The following PITPNC1 variants were observed in gnomAD, a reference collection of about 807,000 sequenced individuals.
The protein encoded by PITPNC1 is cytoplasmic phosphatidylinositol transfer protein 1.
PITPNC1 carries 18 observed loss-of-function variants against 44.7 expected under a neutral mutation model. That is an observed-to-expected ratio of 0.40 (90% CI 0.28 to 0.60). PITPNC1 has a LOEUF of 0.60. PITPNC1 is among the 20% of genes least tolerant of loss of function. The pLI is 0.39. For synonymous variants in PITPNC1, 141 were observed against 149.6 expected (o/e 0.94, Z 0.42); for missense variants, 290 against 418.4 (o/e 0.69, Z 2.68).
At chr17:67,431,062 C>CTTTTTTTTTTT (rs6146118) in intron 1 of PITPNC1, among the ~76,000 whole-genome samples, 7 of 133,054 alleles carry the variant, frequency 5.3e-5, no homozygotes, top group Non-Finnish European at 9.4e-5. Flanking sequence ...GTTACTGTTT[C>CTTTTTTTTTTT]TTTTTTTTTT....
chr17:67,574,323 T>C (rs912975296), intron 4 of PITPNC1, among the ~76,000 whole-genome samples: 1 of 152,240 alleles, frequency 6.6e-6, no homozygotes, highest in Non-Finnish European at 1.5e-5. Context: ...GAGGAGGATA[T>C]ATCTTTCTCG....
At chr17:67,668,359 C>T (rs924117794) in intron 6 of PITPNC1, among the ~76,000 whole-genome samples, 3 of 152,160 alleles carry the variant, frequency 2.0e-5, no homozygotes, top group Non-Finnish European at 4.4e-5. Context: ...GCACCTAGAC[C>T]ACAATTTATC....
At chr17:67,677,934 C>T (rs2042633208) in intron 8 of PITPNC1, among the ~76,000 whole-genome samples, 1 of 151,838 alleles carries the variant, frequency 6.6e-6, no homozygotes, top group Non-Finnish European at 1.5e-5. Flanking sequence ...AAAAAACTGC[C>T]AGGCACGGTA....
At chr17:67,469,200 C>G (rs1256045364) in intron 1 of PITPNC1, among the ~76,000 whole-genome samples, 5 of 152,156 alleles carry the variant, frequency 3.3e-5, no homozygotes, top group Admixed American at 6.5e-5. Flanking sequence ...GTAGTAGCCC[C>G]AGGATGGCTC....
chr17:67,390,210 T>C (rs1276948641), intron 1 of PITPNC1, among the ~76,000 whole-genome samples: 2 of 152,030 alleles, frequency 1.3e-5, no homozygotes, highest in Non-Finnish European at 2.9e-5. Flanking sequence ...GGGAAAAAAA[T>C]CTACCAGATT....
chr17:67,441,367 CTTG>C, intron 1 of PITPNC1, among the ~76,000 whole-genome samples: 1 of 152,146 alleles, frequency 6.6e-6, no homozygotes, highest in South Asian at 2.1e-4. Context: ...ACGACTCACC[CTTG>C]TTGTCACTGA....
intron 5 of PITPNC1, among the ~76,000 whole-genome samples, chr17:67,582,085 C>T (rs774766823): frequency 6.6e-6 from 1 of 152,144 alleles, no homozygotes; most frequent in Non-Finnish European, 1.5e-5. Flanking sequence ...TCCATTCATA[C>T]TTGTTAATAC....
chr17:67,539,350 G>A (rs970749919), intron 2 of PITPNC1, among the ~76,000 whole-genome samples: 1 of 152,170 alleles, frequency 6.6e-6, no homozygotes, highest in African/African-American at 2.4e-5. Flanking sequence ...TACACAAGGA[G>A]ACATTTACCA....
intron 1 of PITPNC1, among the ~76,000 whole-genome samples, chr17:67,453,018 T>C (rs994776913): frequency 2.0e-5 from 3 of 152,200 alleles, no homozygotes; most frequent in African/African-American, 7.2e-5. Context: ...TTAAAACTGC[T>C]TTCCATTATA....
At chr17:67,606,791 AAAT>A (rs1283123128) in intron 5 of PITPNC1, among the ~76,000 whole-genome samples, 1 of 152,134 alleles carries the variant, frequency 6.6e-6, no homozygotes. Flanking sequence ...TTTTATTAAA[AAAT>A]AATAATAAAA....
chr17:67,642,566 T>C (rs886547544), intron 6 of PITPNC1, among the ~76,000 whole-genome samples: 46 of 152,344 alleles, frequency 3.0e-4, no homozygotes, highest in Non-Finnish European at 5.4e-4. Flanking sequence ...TCAACAACCC[T>C]GGCTGCACCA....
At chr17:67,455,713 A>T (rs1421204634) in intron 1 of PITPNC1, among the ~76,000 whole-genome samples, 1 of 151,922 alleles carries the variant, frequency 6.6e-6, no homozygotes, top group Non-Finnish European at 1.5e-5. Context: ...AAATGCTGGG[A>T]TTACAGACGT....
At chr17:67,456,815 T>C (rs182517896) in intron 1 of PITPNC1, among the ~76,000 whole-genome samples, 1 of 152,338 alleles carries the variant, frequency 6.6e-6, no homozygotes, top group East Asian at 1.9e-4. Context: ...TGAAAATATA[T>C]ACTTTAGTGC....
chr17:67,614,481 G>A (rs112536980), intron 5 of PITPNC1, among the ~76,000 whole-genome samples: 1,760 of 152,092 alleles, frequency 0.012, 20 homozygotes, highest in Non-Finnish European at 0.018. Flanking sequence ...AGATCAGCCT[G>A]AGCAACATAG....
At chr17:67,388,148 C>G (rs1327010764) in intron 1 of PITPNC1, among the ~76,000 whole-genome samples, 1 of 152,140 alleles carries the variant, frequency 6.6e-6, no homozygotes, top group Non-Finnish European at 1.5e-5. Context: ...TGTATACTGC[C>G]TGAAATTTTA....
chr17:67,391,419 C>G (rs2038137822), intron 1 of PITPNC1, among the ~76,000 whole-genome samples: 1 of 152,028 alleles, frequency 6.6e-6, no homozygotes, highest in South Asian at 2.1e-4. Flanking sequence ...AAGGCCAAAT[C>G]CAGGTGTTTC....
intron 5 of PITPNC1, among the ~76,000 whole-genome samples, chr17:67,608,532 C>T (rs1374986952): frequency 6.6e-6 from 1 of 150,752 alleles, no homozygotes; most frequent in East Asian, 1.9e-4. Flanking sequence ...CTCCTGTTGC[C>T]CAGTCTGGAG....
At chr17:67,548,712 C>T (rs1180012059) in intron 2 of PITPNC1, among the ~76,000 whole-genome samples, 1 of 152,094 alleles carries the variant, frequency 6.6e-6, no homozygotes, top group Non-Finnish European at 1.5e-5. Flanking sequence ...CCTCTTTTTC[C>T]TCAATGTCTC....
intron 6 of PITPNC1, among the ~76,000 whole-genome samples, chr17:67,634,747 T>C (rs1477828113): frequency 6.6e-6 from 1 of 151,648 alleles, no homozygotes; most frequent in African/African-American, 2.4e-5. Flanking sequence ...TCAGGAGACA[T>C]GCTATGGAAA....
Sources: allele counts gnomAD v4.1 joint callset (sites outside exome capture counted in the v4.1 genomes callset), GRCh38; gene constraint gnomAD v4.1.1; transcripts MANE v1.5; gene names NCBI Gene and HGNC (gene_info 2026-07-23, HGNC 2026-07-21).